FOXN3: variants seen among roughly 807,000 people sequenced by gnomAD.
FOXN3 encodes forkhead box N3, also known as forkhead box protein N3.
In FOXN3, 7 loss-of-function variants were observed where a neutral mutation model predicts 38.4. The ratio of observed to expected loss-of-function variants is 0.18; its 90% confidence interval spans 0.10 to 0.34. The LOEUF (loss-of-function observed/expected upper bound fraction) is 0.34. FOXN3 is among the 10% of genes least tolerant of loss of function. The pLI, the probability that FOXN3 is intolerant of heterozygous loss-of-function variation, is 1.00. For synonymous variants in FOXN3, 230 were observed against 242.2 expected (o/e 0.95, Z 0.47); for missense variants, 456 against 613.4 (o/e 0.74, Z 2.71).
intron 3 of FOXN3, among the ~76,000 whole-genome samples, chr14:89,288,142 G>A (rs12893696): frequency 0.51 from 77,629 of 151,822 alleles, 20,510 homozygotes; most frequent in East Asian, 0.67. Context: ...GACAGAAAGA[G>A]ACCAGGTAGA....
In FOXN3 at chr14:89,445,196, C is replaced by T. The variant is rs534537735; in HGVS notation, c.-14-32706G>A. 2.4e-3 allele frequency among the ~76,000 whole-genome samples: 370 copies of T among 152,172 alleles called. 2 individuals carry two copies. The highest frequency in any genetic ancestry group is 8.6e-3 in the African/African-American group (358 of 41,516). On this transcript the variant is annotated intron_variant, in intron 1 of 6. Coordinates refer to the FOXN3 transcript ENST00000345097. ...CAGACTAGGGTTTGAATTCCAGCCT[C>T]TGCTACTCTAGTATCCTCGGGTATA... is the stretch of plus-strand genomic sequence containing the variant.
At chr14:89,514,989 G>C (rs1358822018) in intron 1 of FOXN3, among the ~76,000 whole-genome samples, 1 of 151,448 alleles carries the variant, frequency 6.6e-6, no homozygotes, top group African/African-American at 2.4e-5. Flanking sequence ...GCACAATCTC[G>C]GCTCATTGCA....
chr14:89,333,269 A>C, intron 3 of FOXN3: 1 of 113,540 alleles, frequency 8.8e-6, no homozygotes, highest in East Asian at 2.9e-4. Context: ...TCTAATAAAA[A>C]TACAAAAAAA....
At chr14:89,287,612 A>C (rs8013441) in intron 3 of FOXN3, among the ~76,000 whole-genome samples, 130,462 of 148,992 alleles carry the variant, frequency 0.88, 56,684 homozygotes, top group East Asian at 0.98. Flanking sequence ...GTGACAGATG[A>C]GGTAACTGCA....
At chr14:89,309,804 A>G (rs979584735) in intron 3 of FOXN3, among the ~76,000 whole-genome samples, 4 of 152,194 alleles carry the variant, frequency 2.6e-5, no homozygotes, top group African/African-American at 7.2e-5. Context: ...TGAAAACCCA[A>G]TTAAGCTCTG....
chr14:89,511,260 TTTCTTTCTTTCTTTC>T, intron 1 of FOXN3, among the ~76,000 whole-genome samples: 1 of 22,680 alleles, frequency 4.4e-5, no homozygotes, highest in African/African-American at 1.1e-4. Flanking sequence ...TCTTTCTTTC[TTTCTTTCTTTCTTTC>T]TTTCTTTCTT....
chr14:89,340,870 G>A (rs1051484669), intron 3 of FOXN3, among the ~76,000 whole-genome samples: 4 of 152,100 alleles, frequency 2.6e-5, no homozygotes, highest in Admixed American at 2.0e-4. Context: ...GACACAGAAC[G>A]AAGAGTAACT....
At position 89,164,162 on chromosome 14, in the gene FOXN3, C is replaced by G. The variant is rs1887179081; in HGVS notation, c.852-1193G>C. Among the ~76,000 whole-genome samples the G allele has an allele frequency of 6.6e-6, 1 of 152,226 alleles. No homozygotes were observed. Among genetic ancestry groups the G allele is most frequent in the African/African-American group, 2.4e-5 (1 of 41,450 alleles). On this transcript the variant is annotated intron_variant, in intron 5 of 5. Transcript: ENST00000557258. This position sits in a 1 kb window ranked among gnomAD's most constrained non-coding sequence, Gnocchi z 4.3. ...TTATTCCTGGTTAGGACCCATGCTC[C>G]TTATGTCTGGGAGGCAGCTGCCTGT...
intron 1 of FOXN3, among the ~76,000 whole-genome samples, chr14:89,413,371 C>T (rs1041018232): frequency 7.2e-5 from 11 of 152,086 alleles, no homozygotes; most frequent in Non-Finnish European, 1.2e-4. Flanking sequence ...TGGTGGCTCA[C>T]GCCTATAATC....
At chr14:89,549,704 G>T (rs918797740) in intron 1 of FOXN3, among the ~76,000 whole-genome samples, 1 of 152,178 alleles carries the variant, frequency 6.6e-6, no homozygotes, top group Non-Finnish European at 1.5e-5. Flanking sequence ...AACAGAATCG[G>T]TATTTCTTTT....
chr14:89,301,535 C>T (rs1037502304), intron 3 of FOXN3, among the ~76,000 whole-genome samples: 6 of 151,576 alleles, frequency 4.0e-5, no homozygotes, highest in African/African-American at 1.5e-4. Context: ...TTTGGGAGGC[C>T]GAGGCAGATG....
chr14:89,230,847 G>A (rs1226892466), intron 4 of FOXN3: 1 of 455,878 alleles, frequency 2.2e-6, no homozygotes, highest in Non-Finnish European at 4.4e-6. Context: ...TTTCTCAATG[G>A]AGATGAAGGT....
chr14:89,473,390 T>C (rs1893147398), intron 1 of FOXN3, among the ~76,000 whole-genome samples: 1 of 149,886 alleles, frequency 6.7e-6, no homozygotes, highest in African/African-American at 2.5e-5. Flanking sequence ...CGCTTTTTTT[T>C]TTTTTTCCTT....
In FOXN3 at chr14:89,156,362, A is replaced by G. The variant is rs1886979809; in HGVS notation, c.*6052T>C. The G allele has an allele frequency of 1.3e-5, 2 of 152,786 alleles. No individual in the cohort carries two copies. Among genetic ancestry groups the G allele is most frequent in the South Asian group, 4.1e-4 (2 of 4,832 alleles). The allele number at this position is 152,786 out of a possible 1,614,324, so 9.5% of individuals were successfully genotyped here. On this transcript the variant is annotated 3_prime_UTR_variant, in exon 6 of 6. Transcript: ENST00000557258. ...GTATGGATGCCTTCCAAGCAACACC[A>G]AGTCCCTAGAGTTCGGCTGATCGCG... is the stretch of plus-strand genomic sequence containing the variant.
intron 5 of FOXN3, among the ~76,000 whole-genome samples, chr14:89,170,029 A>C (rs1025580093): frequency 1.3e-5 from 2 of 152,354 alleles, no homozygotes; most frequent in African/African-American, 4.8e-5. Flanking sequence ...AAACAGGTTA[A>C]AAGTAAGACT....
intron 4 of FOXN3, among the ~76,000 whole-genome samples, chr14:89,221,646 G>A (rs577660280): frequency 2.6e-5 from 4 of 152,216 alleles, no homozygotes; most frequent in Admixed American, 2.6e-4. Context: ...TCAGACTTTC[G>A]CCACTGTTTG....
chr14:89,435,618 T>A (rs12885505), intron 1 of FOXN3, among the ~76,000 whole-genome samples: 13,496 of 152,016 alleles, frequency 0.089, 826 homozygotes, highest in Non-Finnish European at 0.13. Context: ...ACTACTAGAA[T>A]CTCATCTCGA....
At chr14:89,440,096 C>G (rs1365381096) in intron 1 of FOXN3, among the ~76,000 whole-genome samples, 1 of 152,070 alleles carries the variant, frequency 6.6e-6, no homozygotes, top group Non-Finnish European at 1.5e-5. Flanking sequence ...CCCATATTAC[C>G]TAGGGGGTAC....
At chr14:89,435,701 C>T (rs1892261244) in intron 1 of FOXN3, among the ~76,000 whole-genome samples, 1 of 152,204 alleles carries the variant, frequency 6.6e-6, no homozygotes, top group African/African-American at 2.4e-5. Flanking sequence ...TTGAGAAACC[C>T]TCAGCTATCC....
Sources: allele counts gnomAD v4.1 joint callset (sites outside exome capture counted in the v4.1 genomes callset), GRCh38; gene constraint gnomAD v4.1.1; non-coding constraint Gnocchi (gnomAD v3.1); transcripts MANE v1.5; gene names NCBI Gene and HGNC (gene_info 2026-07-23, HGNC 2026-07-21).